The following POPDC1 variants were observed in gnomAD, a reference collection of about 807,000 sequenced individuals.
POPDC1 encodes popeye domain-containing protein 1.
chr6:105,108,970 T>G, the POPDC1 span, among the ~76,000 whole-genome samples: 1 of 150,806 alleles, frequency 6.6e-6, no homozygotes, highest in African/African-American at 2.5e-5. Context: ...TTTAAAACAT[T>G]TATTTTTTTT....
the POPDC1 span, chr6:105,115,840 GT>G: frequency 6.2e-7 from 1 of 1,611,334 alleles, no homozygotes; most frequent in South Asian, 1.1e-5. Flanking sequence ...ACAAAGCAAA[GT>G]TTTAAGCTTT....
At chr6:105,123,778 C>T in the POPDC1 span, among the ~76,000 whole-genome samples, 1 of 152,204 alleles carries the variant, frequency 6.6e-6, no homozygotes, top group African/African-American at 2.4e-5. Flanking sequence ...GTTCTTTCCC[C>T]TTAAACATAT....
At chr6:105,101,712 C>T in the POPDC1 span, among the ~76,000 whole-genome samples, 2 of 152,170 alleles carry the variant, frequency 1.3e-5, no homozygotes, top group Non-Finnish European at 2.9e-5. Flanking sequence ...ACTGGGCTTA[C>T]ACGCAAAGGA....
chr6:105,131,819 G>A, the POPDC1 span, among the ~76,000 whole-genome samples: 1 of 134,172 alleles, frequency 7.5e-6, no homozygotes, highest in African/African-American at 2.8e-5. Context: ...ATTGATGTTT[G>A]CTTTTTTATA....
the POPDC1 span, chr6:105,097,757 C>T: frequency 6.6e-6 from 1 of 152,168 alleles, no homozygotes; most frequent in East Asian, 1.9e-4. Flanking sequence ...CATACACACA[C>T]TGTTAGCAGC....
the POPDC1 span, chr6:105,129,325 T>C: frequency 2.7e-6 from 4 of 1,461,566 alleles, no homozygotes; most frequent in Admixed American, 4.2e-5. Context: ...ACAAAGTACC[T>C]TTCAAAGTTT....
At chr6:105,100,309 A>C in the POPDC1 span, 1 of 152,126 alleles carries the variant, frequency 6.6e-6, no homozygotes, top group Non-Finnish European at 1.5e-5. Context: ...GGAGATCGAG[A>C]CCATCCTGGC....
chr6:105,125,253 C>T, the POPDC1 span: 45 of 1,000,972 alleles, frequency 4.5e-5, no homozygotes, highest in Middle Eastern at 6.0e-4. Flanking sequence ...ATAGTTGTAG[C>T]AAAAAATTCC....
chr6:105,101,246 A>G, the POPDC1 span: 1 of 1,582,980 alleles, frequency 6.3e-7, no homozygotes, highest in Non-Finnish European at 8.6e-7. Context: ...AAACCACTGA[A>G]TGCACAATCT....
the POPDC1 span, among the ~76,000 whole-genome samples, chr6:105,102,623 T>G: frequency 6.6e-5 from 10 of 152,212 alleles, no homozygotes; most frequent in African/African-American, 2.4e-4. Flanking sequence ...TTTCTAGGCC[T>G]CTGTTTCCAT....
the POPDC1 span, chr6:105,125,347 G>C: frequency 3.1e-6 from 5 of 1,597,448 alleles, no homozygotes; most frequent in East Asian, 4.5e-5. Context: ...GCCATGAAAA[G>C]ATTAAAGGTA....
At chr6:105,133,460 T>C in the POPDC1 span, 1 of 1,613,900 alleles carries the variant, frequency 6.2e-7, no homozygotes, top group South Asian at 1.1e-5. Context: ...AGATGATGTA[T>C]CTCTCTCCAG....
chr6:105,110,607 C>T, the POPDC1 span, among the ~76,000 whole-genome samples: 1 of 152,152 alleles, frequency 6.6e-6, no homozygotes, highest in Non-Finnish European at 1.5e-5. Flanking sequence ...CTCAGACATA[C>T]TGGTAGTCTT....
the POPDC1 span, among the ~76,000 whole-genome samples, chr6:105,123,817 C>T: frequency 2.6e-5 from 4 of 152,214 alleles, no homozygotes. Context: ...TTAGTGATTA[C>T]ATTTCATTCA....
the POPDC1 span, chr6:105,129,633 G>C: frequency 1.2e-6 from 1 of 834,150 alleles, no homozygotes; most frequent in Non-Finnish European, 1.8e-6. Context: ...AAGACCCCCA[G>C]TGAACGCCTG....
chr6:105,105,382 T>C, the POPDC1 span, among the ~76,000 whole-genome samples: 1 of 152,214 alleles, frequency 6.6e-6, no homozygotes, highest in Admixed American at 6.5e-5. Context: ...CCTGGCCTTC[T>C]GTACCATTGA....
the POPDC1 span, chr6:105,115,717 A>G: frequency 1.2e-6 from 2 of 1,614,038 alleles, no homozygotes; most frequent in Non-Finnish European, 1.7e-6. Context: ...TACCCCGAAG[A>G]AACTGGTGCA....
chr6:105,134,408 C>T, the POPDC1 span, among the ~76,000 whole-genome samples: 11 of 152,098 alleles, frequency 7.2e-5, no homozygotes, highest in Admixed American at 6.5e-4. Flanking sequence ...TACCTGTCTT[C>T]GGTCTCCGGT....
At chr6:105,135,718 G>A in the POPDC1 span, among the ~76,000 whole-genome samples, 1 of 151,944 alleles carries the variant, frequency 6.6e-6, no homozygotes, top group African/African-American at 2.4e-5. Context: ...CCTTATTAAA[G>A]AGAGAGAGAG....
Sources: allele counts gnomAD v4.1 joint callset (sites outside exome capture counted in the v4.1 genomes callset), GRCh38; gene constraint gnomAD v4.1.1; transcripts MANE v1.5; gene names NCBI Gene and HGNC (gene_info 2026-07-23, HGNC 2026-07-21).